The following GRM5 variants were observed in gnomAD, a reference collection of about 807,000 sequenced individuals.
The protein encoded by GRM5 is metabotropic glutamate receptor 5.
A neutral mutation model predicts 83.1 loss-of-function variants in GRM5; 19 were observed. That is an observed-to-expected ratio of 0.23 (90% CI 0.16 to 0.34). The LOEUF (loss-of-function observed/expected upper bound fraction) is 0.34, where lower values mean the gene tolerates loss of function less well. Ranked by LOEUF, GRM5 falls within the 10% of genes least tolerant of loss-of-function variation. The probability of loss-of-function intolerance (pLI) is 1.00; values close to 1 mark genes in which losing one functional copy is unlikely to be tolerated. For synonymous variants in GRM5, 675 were observed against 633.6 expected (o/e 1.07, Z -0.98); for missense variants, 1,160 against 1,588.3 (o/e 0.73, Z 4.58).
At chr11:88,992,092 G>A (rs1939997284) in intron 2 of GRM5, among the ~76,000 whole-genome samples, 2 of 151,880 alleles carry the variant, frequency 1.3e-5, no homozygotes, top group South Asian at 4.2e-4. Flanking sequence ...CAGAATGGGA[G>A]AAAATTTTTG....
chr11:88,858,306 GTTATAAGT>G (rs1287692517), intron 2 of GRM5, among the ~76,000 whole-genome samples: 1 of 152,070 alleles, frequency 6.6e-6, no homozygotes, highest in African/African-American at 2.4e-5. Context: ...ATGTAGATAA[GTTATAAGT>G]TTATAACTAT....
At chr11:88,766,242 T>C (rs1396707071) in intron 3 of GRM5, among the ~76,000 whole-genome samples, 1 of 151,944 alleles carries the variant, frequency 6.6e-6, no homozygotes, top group Non-Finnish European at 1.5e-5. Flanking sequence ...GGAGCTCAAA[T>C]AGCTAAGGCA....
At chr11:89,027,062 C>T (rs1037886460) in intron 2 of GRM5, among the ~76,000 whole-genome samples, 4 of 151,872 alleles carry the variant, frequency 2.6e-5, no homozygotes, top group Non-Finnish European at 4.4e-5. Context: ...TCACTGGCCA[C>T]CCCCACAAAG....
chr11:88,850,217 T>C (rs895569024), intron 2 of GRM5, 62 bp from the exon 3 acceptor site: 5 of 716,522 alleles, frequency 7.0e-6, no homozygotes, highest in African/African-American at 1.7e-5. Flanking sequence ...TAATTGGGTA[T>C]AATCAGAATG....
intron 9 of GRM5, among the ~76,000 whole-genome samples, chr11:88,518,222 A>G (rs2135092698): frequency 6.6e-6 from 1 of 152,136 alleles, no homozygotes; most frequent in South Asian, 2.1e-4. Context: ...ATTCTTTCAG[A>G]AAAATAAGAA....
At chr11:88,966,512 A>G (rs182118517) in intron 2 of GRM5, among the ~76,000 whole-genome samples, 111 of 152,304 alleles carry the variant, frequency 7.3e-4, no homozygotes, top group Non-Finnish European at 1.1e-3. Context: ...GGACATCATT[A>G]CATACCTTCA....
At chr11:88,987,900 A>T (rs2135039163) in intron 2 of GRM5, among the ~76,000 whole-genome samples, 1 of 150,878 alleles carries the variant, frequency 6.6e-6, no homozygotes, top group South Asian at 2.1e-4. Context: ...TAAAACCACA[A>T]AGATGGGGAA....
At chr11:88,956,692 G>A (rs949189584) in intron 2 of GRM5, among the ~76,000 whole-genome samples, 9 of 152,206 alleles carry the variant, frequency 5.9e-5, no homozygotes, top group African/African-American at 1.2e-4. Context: ...TGTAGTCCCA[G>A]CTCCTCGAGA....
intron 2 of GRM5, among the ~76,000 whole-genome samples, chr11:88,918,200 A>G (rs983782221): frequency 3.3e-5 from 5 of 151,856 alleles, no homozygotes; most frequent in Non-Finnish European, 5.9e-5. Flanking sequence ...AGGAAAAAAA[A>G]AAAACAAAAA....
At chr11:88,514,376 T>C (rs932254205) in intron 9 of GRM5, among the ~76,000 whole-genome samples, 5 of 152,136 alleles carry the variant, frequency 3.3e-5, no homozygotes, top group Non-Finnish European at 7.4e-5. Flanking sequence ...ATTTTTCCTG[T>C]TTTTCCCTTC....
chr11:88,842,186 C>T (rs1279881127), intron 3 of GRM5, among the ~76,000 whole-genome samples: 1 of 152,024 alleles, frequency 6.6e-6, no homozygotes, highest in Non-Finnish European at 1.5e-5. Flanking sequence ...ATTCATTTAT[C>T]ACACATATTT....
At chr11:88,772,962 C>A (rs183018935) in intron 3 of GRM5, among the ~76,000 whole-genome samples, 4 of 152,144 alleles carry the variant, frequency 2.6e-5, no homozygotes, top group African/African-American at 9.7e-5. Flanking sequence ...TGGGTATATA[C>A]CCAGTAATGG....
chr11:88,692,625 G>A (rs1940807866), intron 3 of GRM5, among the ~76,000 whole-genome samples: 2 of 152,164 alleles, frequency 1.3e-5, no homozygotes, highest in South Asian at 4.1e-4. Flanking sequence ...CATTGCTTCA[G>A]AAAAACTGTC....
intron 3 of GRM5, among the ~76,000 whole-genome samples, chr11:88,796,911 T>TAC (rs1565235082): frequency 8.6e-5 from 10 of 116,108 alleles, no homozygotes; most frequent in East Asian, 3.0e-4. Flanking sequence ...TGTGTGTGTG[T>TAC]GTGTGTGTGT....
rs1325875720 is a variant in GRM5, at chr11:88,597,406, T to C, written c.1395-54A>G. 3 of 934,668 alleles carry C rather than the reference T, an allele frequency of 3.2e-6. No individual in the cohort carries two copies. The East Asian group carries it at 7.7e-5, about 24-fold the overall frequency. 57.9% of individuals were successfully genotyped at this position (934,668 alleles called of 1,614,324 possible). Reference sequence around the variant, plus strand: ...AGCTTAAGATGTAAATACTCAGCTTTGAAAAGGCAATATATTTTATTCCCA... The same window carrying C: ...AGCTTAAGATGTAAATACTCAGCTTCGAAAAGGCAATATATTTTATTCCCA... On this transcript the variant is annotated intron_variant, in intron 5 of 9. Transcript: ENST00000305447.
chr11:88,757,059 A>G (rs192247664), intron 3 of GRM5, among the ~76,000 whole-genome samples: 149 of 152,310 alleles, frequency 9.8e-4, no homozygotes, highest in Middle Eastern at 3.4e-3. Flanking sequence ...GGCTCATCAC[A>G]TGCAAGGGGT....
At chr11:88,898,950 T>G (rs1256686374) in intron 2 of GRM5, among the ~76,000 whole-genome samples, 5 of 151,944 alleles carry the variant, frequency 3.3e-5, no homozygotes, top group African/African-American at 1.2e-4. Flanking sequence ...AAAATGCCCT[T>G]TATACCTGAA....
chr11:89,042,314 A>G, intron 2 of GRM5, among the ~76,000 whole-genome samples: 1 of 152,172 alleles, frequency 6.6e-6, no homozygotes. Flanking sequence ...AAAAATGGCA[A>G]AAAGGAACCT....
intron 3 of GRM5, among the ~76,000 whole-genome samples, chr11:88,693,129 ACAATTCAATTCAATT>A (rs146140212): frequency 5.3e-5 from 8 of 151,800 alleles, no homozygotes; most frequent in Non-Finnish European, 1.0e-4. Flanking sequence ...TAGCACAGAA[ACAATTCAATTCAATT>A]CAATTCAATT....
Sources: gnomAD v4.1 joint callset for allele counts (sites outside exome capture counted in the v4.1 genomes callset) on GRCh38, gnomAD v4.1.1 for gene constraint, MANE v1.5 for transcripts, NCBI Gene and HGNC (gene_info 2026-07-23, HGNC 2026-07-21) for gene names.